PRKAR1A: variants seen among roughly 807,000 people sequenced by gnomAD.
PRKAR1A encodes cAMP-dependent protein kinase type I-alpha regulatory subunit.
In PRKAR1A, 3 loss-of-function variants were observed where a neutral mutation model predicts 52.0. The ratio of observed to expected loss-of-function variants is 0.06; its 90% confidence interval spans 0.03 to 0.15. The LOEUF (loss-of-function observed/expected upper bound fraction) is 0.15. Ranked by LOEUF, PRKAR1A falls within the 10% of genes least tolerant of loss-of-function variation. PRKAR1A has a pLI of 1.00. For missense variants in PRKAR1A, 240 were observed against 477.4 expected (o/e 0.50, Z 4.63); for synonymous variants, 188 against 168.4 (o/e 1.12, Z -0.90).
the PRKAR1A span, among the ~76,000 whole-genome samples, chr17:68,438,681 A>G: frequency 1.3e-5 from 2 of 152,100 alleles, no homozygotes; most frequent in African/African-American, 4.8e-5. Flanking sequence ...GCTCACTGCA[A>G]CCTCCGCCTC....
At chr17:68,526,623 A>G (rs1049006016) in intron 7 of PRKAR1A, among the ~76,000 whole-genome samples, 5 of 152,204 alleles carry the variant, frequency 3.3e-5, no homozygotes, top group Admixed American at 1.3e-4. Context: ...TCGCAGCAAC[A>G]TAGATAGAGC....
At chr17:68,476,552 C>A in the PRKAR1A span, among the ~76,000 whole-genome samples, 1 of 152,182 alleles carries the variant, frequency 6.6e-6, no homozygotes, top group African/African-American at 2.4e-5. Flanking sequence ...CAGCTTCTTA[C>A]CAGTCCTTCT....
At chr17:68,427,197 A>C in the PRKAR1A span, 1 of 1,614,218 alleles carries the variant, frequency 6.2e-7, no homozygotes, top group Non-Finnish European at 8.5e-7. Flanking sequence ...AGACTGAGGT[A>C]AGGAAGGTCT....
At chr17:68,487,110 G>C in the PRKAR1A span, among the ~76,000 whole-genome samples, 1 of 152,058 alleles carries the variant, frequency 6.6e-6, no homozygotes, top group East Asian at 1.9e-4. Context: ...CTGACCTCGT[G>C]ATCCGCCCGC....
At chr17:68,517,496 A>G (rs1223162701) in intron 2 of PRKAR1A, among the ~76,000 whole-genome samples, 1 of 152,224 alleles carries the variant, frequency 6.6e-6, no homozygotes, top group East Asian at 1.9e-4. Context: ...ACATGGCAGC[A>G]GCAAGGAGAA....
chr17:68,498,849 G>A, the PRKAR1A span, among the ~76,000 whole-genome samples: 27 of 152,272 alleles, frequency 1.8e-4, no homozygotes, highest in Middle Eastern at 3.4e-3. Context: ...TAAAGTACAG[G>A]CCAATCAGAT....
chr17:68,480,008 A>AT, the PRKAR1A span, among the ~76,000 whole-genome samples: 3 of 152,220 alleles, frequency 2.0e-5, no homozygotes, highest in Non-Finnish European at 2.9e-5. Flanking sequence ...CCAGGATTCA[A>AT]TTACCTCCCA....
the PRKAR1A span, among the ~76,000 whole-genome samples, chr17:68,500,714 AC>A: frequency 6.6e-6 from 1 of 151,880 alleles, no homozygotes. Flanking sequence ...ATGGGGTTTT[AC>A]CATGTTGGTT....
the PRKAR1A span, chr17:68,440,659 C>G: frequency 6.6e-6 from 1 of 151,840 alleles, no homozygotes; most frequent in African/African-American, 2.4e-5. Flanking sequence ...TCACTGGCAG[C>G]TATAATTCCA....
chr17:68,470,995 A>C, the PRKAR1A span, among the ~76,000 whole-genome samples: 1 of 152,242 alleles, frequency 6.6e-6, no homozygotes, highest in African/African-American at 2.4e-5. Flanking sequence ...GAAACAATGA[A>C]GAGTTCACTG....
chr17:68,432,646 C>T, the PRKAR1A span, among the ~76,000 whole-genome samples: 3 of 152,072 alleles, frequency 2.0e-5, no homozygotes, highest in Non-Finnish European at 4.4e-5. Flanking sequence ...CATGTATCAG[C>T]GTGATATGGT....
chr17:68,469,037 A>C, the PRKAR1A span, among the ~76,000 whole-genome samples: 2 of 152,004 alleles, frequency 1.3e-5, no homozygotes, highest in South Asian at 4.2e-4. Flanking sequence ...GAACATCAAC[A>C]CCCACTTCCG....
chr17:68,537,143 T>G (rs758933279), downstream of PRKAR1A: 1 of 505,180 alleles, frequency 2.0e-6, no homozygotes, highest in South Asian at 1.5e-5. This position sits in a 1 kb window ranked among gnomAD's most constrained non-coding sequence, Gnocchi z 4.2. Context: ...GTCCTTTTAT[T>G]TGACTTGTTA....
chr17:68,441,827 C>T, the PRKAR1A span, among the ~76,000 whole-genome samples: 11 of 152,170 alleles, frequency 7.2e-5, no homozygotes, highest in African/African-American at 9.7e-5. Context: ...TAATTATAAA[C>T]GTGAGCATTT....
chr17:68,532,866 G>A lies in PRKAR1A; in HGVS notation c.*2417G>A, dbSNP rs982996198. 1.2e-5 allele frequency: 13 copies of A among 1,066,264 alleles called. No homozygotes were observed. In the African/African-American group the frequency reaches 1.5e-4, roughly 12 times the overall value. 66.1% of individuals were successfully genotyped at this position (1,066,264 alleles called of 1,614,324 possible). On this transcript the variant is annotated 3_prime_UTR_variant, in exon 11 of 11. Transcript: ENST00000589228. Reference sequence around the variant, plus strand: ...GTGGGCAAAAATGAAAAGGGGGAAAGTGAATTATGGGATCGGTGTTTTGAA... The same window carrying A: ...GTGGGCAAAAATGAAAAGGGGGAAAATGAATTATGGGATCGGTGTTTTGAA...
chr17:68,528,363 T>C (rs2085857074), intron 8 of PRKAR1A, among the ~76,000 whole-genome samples: 1 of 152,230 alleles, frequency 6.6e-6, no homozygotes, highest in South Asian at 2.1e-4. Flanking sequence ...TTTCACCTCT[T>C]CTTTGTCTTT....
the PRKAR1A span, among the ~76,000 whole-genome samples, chr17:68,471,296 G>A: frequency 5.1e-4 from 78 of 152,284 alleles, 1 homozygote; most frequent in South Asian, 0.015. Flanking sequence ...AAATAAGGTG[G>A]CTCAAGTTCT....
At chr17:68,538,682 G>A (rs1460228474) in intron 11 of PRKAR1A, among the ~76,000 whole-genome samples, 5 of 152,188 alleles carry the variant, frequency 3.3e-5, no homozygotes, top group South Asian at 4.1e-4. Context: ...TTTATGAGCC[G>A]ATATGAATGC....
chr17:68,546,733 G>A (rs2086586351), intron 11 of PRKAR1A, among the ~76,000 whole-genome samples: 2 of 151,790 alleles, frequency 1.3e-5, no homozygotes, highest in African/African-American at 4.8e-5. Context: ...GGGAGGCTGA[G>A]GCAGGAGAAT....
Sources: gnomAD v4.1 joint callset for allele counts (sites outside exome capture counted in the v4.1 genomes callset) on GRCh38, gnomAD v4.1.1 for gene constraint, Gnocchi (gnomAD v3.1) non-coding constraint, MANE v1.5 for transcripts, NCBI Gene and HGNC (gene_info 2026-07-23, HGNC 2026-07-21) for gene names.